Variants in KLHL28 observed in about 807,000 individuals in gnomAD.
KLHL28 encodes kelch-like protein 28.
A neutral mutation model predicts 48.3 loss-of-function variants in KLHL28; 22 were observed. That is an observed-to-expected ratio of 0.46 (90% CI 0.33 to 0.65). KLHL28 has a LOEUF of 0.65. Ranked by LOEUF, KLHL28 falls within the 30% of genes least tolerant of loss-of-function variation. KLHL28 has a pLI of 0.03. For missense variants in KLHL28, 527 were observed against 704.3 expected (o/e 0.75, Z 2.85); for synonymous variants, 243 against 242.4 (o/e 1.00, Z -0.02).
rs762476519 is a variant in KLHL28, at chr14:44,945,227, G to A, written c.702C>T (p.Leu234=). Residue 234 remains leucine (L), a synonymous_variant, in exon 2 of 5, where the codon CTC becomes CTT. Coordinates refer to ENST00000396128, the MANE Select transcript of KLHL28 (RefSeq NM_017658.5). The part of the protein sequence containing the change: ...VRLPLLSVKF[L]TRLYEANHLI... ...GATGATTTGCTTCATATAGTCTAGT[G>A]AGAAACTTAACACTCAACAATGGTA... 16 of 1,613,964 alleles carry A rather than the reference G, an allele frequency of 9.9e-6. No individual in the cohort carries two copies. The highest frequency in any genetic ancestry group is 1.4e-5 in the Non-Finnish European group (16 of 1,179,980).
intron 1 of KLHL28, among the ~76,000 whole-genome samples, chr14:44,947,336 A>T (rs1053074432): frequency 4.6e-5 from 7 of 152,210 alleles, no homozygotes; most frequent in Non-Finnish European, 8.8e-5. Context: ...TGGTCCTGCC[A>T]CCTTAATTTT....
At chr14:44,944,898 A>T (rs1027411717) in intron 2 of KLHL28, 132 bp downstream of exon 2, 1 of 660,230 alleles carries the variant, frequency 1.5e-6, no homozygotes, top group Non-Finnish European at 2.5e-6. Flanking sequence ...TTTAGGAAGA[A>T]GAAAAAAAAC....
chr14:44,931,957 C>A (rs892204614), intron 3 of KLHL28, among the ~76,000 whole-genome samples: 1 of 151,704 alleles, frequency 6.6e-6, no homozygotes, highest in African/African-American at 2.4e-5. Context: ...AGAATAAAGT[C>A]AAATGAGTAT....
chr14:44,944,975 T>C (rs1884261285), intron 2 of KLHL28, 55 bp downstream of exon 2: 2 of 1,266,060 alleles, frequency 1.6e-6, no homozygotes, highest in African/African-American at 1.5e-5. Flanking sequence ...AATCTGCACA[T>C]TTAAAAAGCA....
chr14:44,932,960 T>C (rs1228490594), intron 3 of KLHL28, among the ~76,000 whole-genome samples: 1 of 152,178 alleles, frequency 6.6e-6, no homozygotes, highest in Non-Finnish European at 1.5e-5. Context: ...TTGTAGAGGA[T>C]TGGTTCCAGG....
rs1454868489 is a variant in KLHL28, at chr14:44,961,038, A to G, written c.-1+808T>C. The G allele has an allele frequency of 7.9e-6, 5 of 629,298 alleles. No homozygotes were observed. In the Admixed American group the frequency reaches 1.3e-4, roughly 16 times the overall value. 39.0% of individuals were successfully genotyped at this position (629,298 alleles called of 1,614,324 possible). ...ATCTCTTCCACACTCCAAAGCATTC[A>G]GGCTCACACTAGACACTCCAGCTCT... On this transcript the variant is annotated intron_variant, in intron 1 of 4. Coordinates refer to ENST00000396128, the MANE Select transcript of KLHL28 (RefSeq NM_017658.5).
intron 1 of KLHL28, among the ~76,000 whole-genome samples, chr14:44,954,835 A>G (rs554545325): frequency 6.6e-6 from 1 of 152,312 alleles, no homozygotes; most frequent in South Asian, 2.1e-4. Flanking sequence ...ATGATCCATA[A>G]GAAATTTGAA....
Position 44,929,267 on chromosome 14 carries a change from G to A in KLHL28, c.1553-76C>T, listed in dbSNP as rs368877584. ...ACTTTTTCTCACTAAAAATAAATTT[G>A]TATTTTAATGTTTTATTAAAATACA... is the stretch of plus-strand genomic sequence containing the variant. On this transcript the variant is annotated intron_variant, in intron 4 of 4. Transcript: ENST00000396128. The A allele has an allele frequency of 7.1e-5, 87 of 1,228,476 alleles. No homozygotes were observed. In the East Asian group the frequency reaches 7.6e-4, roughly 11 times the overall value. 76.1% of individuals were successfully genotyped at this position (1,228,476 alleles called of 1,614,324 possible).
At chr14:44,948,374 T>A (rs563189470) in intron 1 of KLHL28, among the ~76,000 whole-genome samples, 1 of 152,228 alleles carries the variant, frequency 6.6e-6, no homozygotes, top group South Asian at 2.1e-4. Context: ...ATAAAACATA[T>A]CAGTGAAGAA....
chr14:44,950,982 A>G (rs897101194), intron 1 of KLHL28, among the ~76,000 whole-genome samples: 1 of 152,248 alleles, frequency 6.6e-6, no homozygotes, highest in South Asian at 2.1e-4. Flanking sequence ...ATTTTAAAAT[A>G]TAGATGGCTT....
intron 4 of KLHL28, among the ~76,000 whole-genome samples, 188 bp downstream of exon 4, chr14:44,931,145 C>T (rs1472285843): frequency 2.6e-5 from 4 of 151,502 alleles, no homozygotes; most frequent in Non-Finnish European, 5.9e-5. Context: ...ATATAAAAGT[C>T]ACAATAAAGA....
chr14:44,951,640 G>A (rs1282634059), intron 1 of KLHL28, among the ~76,000 whole-genome samples: 3 of 152,128 alleles, frequency 2.0e-5, no homozygotes, highest in Admixed American at 2.0e-4. Context: ...CTTCATAAAA[G>A]AAAGCCTAGC....
Position 44,937,626 on chromosome 14 carries a change from T to C in KLHL28, c.900-3068A>G, listed in dbSNP as rs1281762251. 3.3e-5 allele frequency among the ~76,000 whole-genome samples: 5 copies of C among 152,248 alleles called. No individual in the cohort carries two copies. In the South Asian group the frequency reaches 8.3e-4, roughly 25 times the overall value. On this transcript the variant is annotated intron_variant, in intron 2 of 4. Transcript: ENST00000396128. ...CAACATACAATGTCATTAGTCCTTATGGTCTTTTGATGGTGTCTTAGTTCA... is the reference window on the plus strand; with the variant it reads ...CAACATACAATGTCATTAGTCCTTACGGTCTTTTGATGGTGTCTTAGTTCA...
chr14:44,938,689 G>A (rs1566566980), intron 2 of KLHL28, among the ~76,000 whole-genome samples: 1 of 152,102 alleles, frequency 6.6e-6, no homozygotes, highest in Non-Finnish European at 1.5e-5. Context: ...AAGTCTTAAA[G>A]CTGGTGAATA....
At chr14:44,955,463 C>G (rs1421493852) in intron 1 of KLHL28, among the ~76,000 whole-genome samples, 3 of 152,022 alleles carry the variant, frequency 2.0e-5, no homozygotes, top group Non-Finnish European at 2.9e-5. Flanking sequence ...ATAGCTGATA[C>G]CATGTCTGGG....
chr14:44,931,542 C>A lies in KLHL28; in HGVS notation c.1344-1G>T, dbSNP rs750312575. ...CTTACTTGGATCATAACGCTCCACACTGCAAATATTTAAAAAAAATTTAAT... is the reference window on the plus strand; with the variant it reads ...CTTACTTGGATCATAACGCTCCACAATGCAAATATTTAAAAAAAATTTAAT... On this transcript the variant is annotated splice_acceptor_variant, in intron 3 of 4. Coordinates refer to ENST00000396128, the MANE Select transcript of KLHL28 (RefSeq NM_017658.5). LOFTEE classifies it high-confidence loss of function. 1.2e-6 allele frequency: 2 copies of A among 1,603,370 alleles called. No individual in the cohort carries two copies. The highest frequency in any genetic ancestry group is 1.7e-6 in the Non-Finnish European group (2 of 1,174,586).
At chr14:44,956,506 A>G (rs2138669698) in intron 1 of KLHL28, among the ~76,000 whole-genome samples, 1 of 152,314 alleles carries the variant, frequency 6.6e-6, no homozygotes, top group Admixed American at 6.5e-5. Flanking sequence ...TCTAGTTCCA[A>G]CTATTAATTT....
chr14:44,927,745 C>T lies in KLHL28; in HGVS notation c.*1283G>A, dbSNP rs999672181. ...ATCGAGTTCCAGTTTTCCTCAATAACCTTAAAATATTCAGTTACCTAAGAA... is the reference window on the plus strand; with the variant it reads ...ATCGAGTTCCAGTTTTCCTCAATAATCTTAAAATATTCAGTTACCTAAGAA... On this transcript the variant is annotated 3_prime_UTR_variant, in exon 5 of 5. Coordinates refer to ENST00000396128, the MANE Select transcript of KLHL28 (RefSeq NM_017658.5). The T allele has an allele frequency of 3.9e-5, 6 of 152,552 alleles. No individual in the cohort carries two copies. The highest frequency in any genetic ancestry group is 2.1e-4 in the South Asian group (1 of 4,834). 9.4% of individuals were successfully genotyped at this position (152,552 alleles called of 1,614,324 possible).
rs745349710 is a variant in KLHL28, at chr14:44,945,833, G to A, written c.96C>T (p.His32=). 1.2e-5 allele frequency: 19 copies of A among 1,613,990 alleles called. No individual in the cohort carries two copies. The highest frequency in any genetic ancestry group is 1.5e-5 in the Non-Finnish European group (18 of 1,180,004). Residue 32 remains histidine (H), a synonymous_variant, in exon 2 of 5, where the codon CAC becomes CAT. Coordinates refer to ENST00000396128, the MANE Select transcript of KLHL28 (RefSeq NM_017658.5). ...CTCGAAGAATGATGTCACAGAGTTC[G>A]TGATGTTGGCGAAGAAGATTCAAGC... The part of the protein sequence containing the change: ...LQGLNLLRQH[H]ELCDIILRVG...
Sources: allele counts gnomAD v4.1 joint callset (sites outside exome capture counted in the v4.1 genomes callset), GRCh38; gene constraint gnomAD v4.1.1; transcripts MANE v1.5; gene names NCBI Gene and HGNC (gene_info 2026-07-23, HGNC 2026-07-21).